The following DPP10 variants were observed in gnomAD, a reference collection of about 807,000 sequenced individuals.
DPP10 encodes the protein dipeptidyl peptidase like 10, also known as inactive dipeptidyl peptidase 10.
DPP10 carries 33 observed loss-of-function variants against 120.9 expected under a neutral mutation model. The ratio of observed to expected loss-of-function variants is 0.27; its 90% CI spans 0.21 to 0.37. DPP10 has a LOEUF of 0.37. Among genes scored for constraint, DPP10 ranks in the 10% least tolerant of loss-of-function variants. DPP10 has a pLI of 1.00. For missense variants in DPP10, 816 were observed against 942.8 expected (o/e 0.87, Z 1.76); for synonymous variants, 337 against 326.1 (o/e 1.03, Z -0.36).
At chr2:115,391,129 A>G (rs2067287936) in intron 3 of DPP10, among the ~76,000 whole-genome samples, 2 of 152,198 alleles carry the variant, frequency 1.3e-5, no homozygotes, top group African/African-American at 4.8e-5. Flanking sequence ...TTTGGAACAC[A>G]GTGGAAATCA....
intron 3 of DPP10, among the ~76,000 whole-genome samples, chr2:115,492,888 G>A (rs2076199347): frequency 6.6e-6 from 1 of 152,054 alleles, no homozygotes; most frequent in Admixed American, 6.6e-5. Context: ...AGGGATATTA[G>A]GTGAATACTT....
At chr2:115,404,329 G>A (rs1052006109) in intron 3 of DPP10, among the ~76,000 whole-genome samples, 2 of 152,082 alleles carry the variant, frequency 1.3e-5, no homozygotes, top group African/African-American at 4.8e-5. Context: ...GTATAAACAG[G>A]ATGGTCCTAC....
At chr2:115,116,232 C>T (rs1034370723) in intron 1 of DPP10, among the ~76,000 whole-genome samples, 6 of 152,204 alleles carry the variant, frequency 3.9e-5, no homozygotes, top group South Asian at 2.1e-4. Context: ...AGAGCTATTT[C>T]GTTAATGGAT....
intron 4 of DPP10, among the ~76,000 whole-genome samples, chr2:115,512,756 A>G (rs2148844474): frequency 6.6e-6 from 1 of 152,196 alleles, no homozygotes; most frequent in East Asian, 1.9e-4. Context: ...CAAATAACAT[A>G]CTTTTTATAA....
intron 3 of DPP10, among the ~76,000 whole-genome samples, chr2:115,354,119 C>T (rs894327834): frequency 1.3e-5 from 2 of 151,924 alleles, no homozygotes; most frequent in Non-Finnish European, 2.9e-5. Flanking sequence ...GAAACTGAAA[C>T]TTAGGACATA....
intron 7 of DPP10, among the ~76,000 whole-genome samples, chr2:115,704,824 T>C (rs915811270): frequency 6.6e-6 from 1 of 152,008 alleles, no homozygotes; most frequent in Admixed American, 6.6e-5. Context: ...ATTTGATTGC[T>C]ATTCAAAGAT....
At chr2:114,510,261 C>T (rs1684017951) in intron 1 of DPP10, among the ~76,000 whole-genome samples, 1 of 152,196 alleles carries the variant, frequency 6.6e-6, no homozygotes, top group African/African-American at 2.4e-5. Context: ...TCAACTTGGG[C>T]CTTCTCATCA....
intron 15 of DPP10, among the ~76,000 whole-genome samples, chr2:115,780,602 T>A (rs1438004312): frequency 6.6e-6 from 1 of 151,864 alleles, no homozygotes; most frequent in East Asian, 1.9e-4. Flanking sequence ...TGAAATCAGT[T>A]CTTTGTTTAT....
intron 11 of DPP10, among the ~76,000 whole-genome samples, chr2:115,759,763 C>T (rs1401493145): frequency 6.6e-6 from 1 of 152,008 alleles, no homozygotes; most frequent in African/African-American, 2.4e-5. Flanking sequence ...GTAATCCCAA[C>T]ACTTTGGGAG....
chr2:114,571,119 G>C (rs1689609495), intron 1 of DPP10, among the ~76,000 whole-genome samples: 1 of 151,906 alleles, frequency 6.6e-6, no homozygotes, highest in Non-Finnish European at 1.5e-5. Flanking sequence ...GTTTGGATTC[G>C]TGCCCCCACC....
intron 1 of DPP10, among the ~76,000 whole-genome samples, chr2:115,189,033 A>G (rs1391019376): frequency 1.3e-5 from 2 of 152,232 alleles, no homozygotes; most frequent in African/African-American, 4.8e-5. Flanking sequence ...ACATATGTAC[A>G]AATATACAGG....
chr2:115,116,238 T>C (rs534443125), intron 1 of DPP10, among the ~76,000 whole-genome samples: 17 of 152,306 alleles, frequency 1.1e-4, no homozygotes, highest in Admixed American at 2.0e-4. Context: ...ATTTCGTTAA[T>C]GGATTTATTG....
intron 3 of DPP10, among the ~76,000 whole-genome samples, chr2:115,498,031 G>T (rs1267897576): frequency 7.0e-6 from 1 of 143,724 alleles, no homozygotes; most frequent in Non-Finnish European, 1.5e-5. Context: ...AGATCATATA[G>T]AACTATCAGT....
intron 5 of DPP10, among the ~76,000 whole-genome samples, chr2:115,615,998 C>A (rs893458862): frequency 6.6e-6 from 1 of 152,050 alleles, no homozygotes; most frequent in East Asian, 1.9e-4. Context: ...ATTAGCAATT[C>A]TAAATTATTC....
chr2:115,328,816 T>G (rs116806023), intron 2 of DPP10, among the ~76,000 whole-genome samples: 1,686 of 152,178 alleles, frequency 0.011, 26 homozygotes, highest in African/African-American at 0.039. Flanking sequence ...TTAGTCCAAC[T>G]CTTGGTCTTT....
intron 4 of DPP10, among the ~76,000 whole-genome samples, chr2:115,524,717 C>T (rs191755696): frequency 1.3e-5 from 2 of 152,078 alleles, no homozygotes; most frequent in Non-Finnish European, 1.5e-5. Flanking sequence ...TATAAGCTAA[C>T]GCCTCCCCTC....
intron 1 of DPP10, among the ~76,000 whole-genome samples, chr2:114,658,315 G>A (rs1310574125): frequency 6.6e-6 from 1 of 152,134 alleles, no homozygotes; most frequent in Non-Finnish European, 1.5e-5. Context: ...GAGTCCAGCA[G>A]GCTGACAAAT....
chr2:114,881,126 T>A (rs1022253039), intron 1 of DPP10, among the ~76,000 whole-genome samples: 6 of 152,098 alleles, frequency 3.9e-5, no homozygotes, highest in Non-Finnish European at 7.4e-5. Flanking sequence ...AACATGAAGA[T>A]CTAGGAAATG....
At chr2:115,336,798 AAG>A (rs550037354) in intron 2 of DPP10, among the ~76,000 whole-genome samples, 3 of 152,126 alleles carry the variant, frequency 2.0e-5, no homozygotes, top group Admixed American at 6.6e-5. Context: ...AATATTTTGA[AAG>A]AGTGTCTCAA....
Sources: gnomAD v4.1 joint callset for allele counts (sites outside exome capture counted in the v4.1 genomes callset) on GRCh38, gnomAD v4.1.1 for gene constraint, MANE v1.5 for transcripts, NCBI Gene and HGNC (gene_info 2026-07-23, HGNC 2026-07-21) for gene names.